SLC37A1: variants seen among roughly 807,000 people sequenced by gnomAD.
The protein encoded by SLC37A1 is glucose-6-phosphate exchanger SLC37A1.
In SLC37A1, 49 loss-of-function variants were observed where a neutral mutation model predicts 75.3. That is an observed-to-expected ratio of 0.65 (90% CI 0.52 to 0.83). The LOEUF is 0.83. Ranked by LOEUF, SLC37A1 falls within the 40% of genes least tolerant of loss-of-function variation. The pLI is 0.00. For missense variants in SLC37A1, 566 were observed against 695.0 expected (o/e 0.81, Z 2.09); for synonymous variants, 268 against 292.1 (o/e 0.92, Z 0.84).
intron 8 of SLC37A1, 108 bp from the exon 9 acceptor site, chr21:42,546,995 A>G: frequency 1.5e-6 from 2 of 1,298,170 alleles, no homozygotes; most frequent in South Asian, 2.4e-5. Flanking sequence ...CATACAGTCC[A>G]GTTTCACACC....
At chr21:42,559,465 G>A (rs1008010005) in intron 11 of SLC37A1, among the ~76,000 whole-genome samples, 2 of 152,240 alleles carry the variant, frequency 1.3e-5, no homozygotes, top group Admixed American at 6.5e-5. Flanking sequence ...CCTGTGGCCC[G>A]GCCCCTCCCC....
intron 3 of SLC37A1, among the ~76,000 whole-genome samples, chr21:42,529,755 T>G (rs1168225459): frequency 6.6e-6 from 1 of 152,192 alleles, no homozygotes; most frequent in African/African-American, 2.4e-5. Context: ...TGTTCGAGTC[T>G]GCCGGTATTC....
At position 42,504,923 on chromosome 21, in the gene SLC37A1, C is replaced by T. The variant is rs190766389; in HGVS notation, c.-179+2506C>T. Among the ~76,000 whole-genome samples the T allele has an allele frequency of 7.2e-4, 110 of 152,294 alleles. No homozygotes were observed. The Middle Eastern group carries it at 0.01, about 14-fold the overall frequency. ...AATGTCAGGGACCAGTTCTTTCCTT[C>T]CCCCTTCCCCAACCAATCTCCAAAT... is the stretch of plus-strand genomic sequence containing the variant. On this transcript the variant is annotated intron_variant, in intron 2 of 20. Coordinates refer to the SLC37A1 transcript ENST00000398341.
At chr21:42,534,876 C>T in intron 4 of SLC37A1, 46 bp downstream of exon 4, 1 of 1,594,152 alleles carries the variant, frequency 6.3e-7, no homozygotes, top group Non-Finnish European at 8.6e-7. Flanking sequence ...GGCTGTCCTT[C>T]CAGCCTTGCT....
chr21:42,514,096 CT>C lies in SLC37A1; in HGVS notation c.-792del, dbSNP rs1052035794. 6.6e-6 allele frequency: 1 copy of C among 150,696 alleles called. No homozygotes were observed. The highest frequency in any genetic ancestry group is 1.5e-5 in the Non-Finnish European group (1 of 67,466). The allele number at this position is 150,696 out of a possible 1,614,324, so 9.3% of individuals were successfully genotyped here. The stretch of plus-strand genomic sequence containing the variant: ...GAGCTCGGCTCCTCTCCTTCCTTTT[CT>C]TTTTTTTCGGGGGGAGGTGGGGGCT... On this transcript the variant is annotated 5_prime_UTR_variant, in exon 1 of 20. Transcript: ENST00000352133. This position sits in a 1 kb window ranked among gnomAD's most constrained non-coding sequence, Gnocchi z 4.8.
chr21:42,566,766 G>A (rs111996621), intron 15 of SLC37A1, among the ~76,000 whole-genome samples: 13,726 of 152,270 alleles, frequency 0.09, 866 homozygotes, highest in Non-Finnish European at 0.13. Context: ...GCCTGTGATC[G>A]CTCCCTCATG....
chr21:42,560,664 G>A (rs1172688185), intron 11 of SLC37A1, among the ~76,000 whole-genome samples: 5 of 152,148 alleles, frequency 3.3e-5, no homozygotes, highest in African/African-American at 7.2e-5. Context: ...AGAGGAGAAC[G>A]TCCCAGCCCA....
At chr21:42,521,846 C>A (rs1010601695) in intron 2 of SLC37A1, among the ~76,000 whole-genome samples, 2 of 152,194 alleles carry the variant, frequency 1.3e-5, no homozygotes, top group East Asian at 3.8e-4. Context: ...ATTATATTAG[C>A]CTCCTGGGGC....
intron 9 of SLC37A1, among the ~76,000 whole-genome samples, chr21:42,550,643 A>G (rs187375988): frequency 6.6e-6 from 1 of 152,250 alleles, no homozygotes; most frequent in African/African-American, 2.4e-5. Flanking sequence ...CTCTTAAGAA[A>G]ACTGTACAAC....
chr21:42,566,193 T>TGGGGCTGGC (rs2055972633), intron 15 of SLC37A1, among the ~76,000 whole-genome samples: 1 of 152,190 alleles, frequency 6.6e-6, no homozygotes, highest in African/African-American at 2.4e-5. Context: ...GGGGCCTTGG[T>TGGGGCTGGC]GGGGCTGGCG....
chr21:42,543,283 G>A (rs1427953208), intron 7 of SLC37A1, among the ~76,000 whole-genome samples, 153 bp from the exon 8 acceptor site: 6 of 152,244 alleles, frequency 3.9e-5, no homozygotes, highest in African/African-American at 1.2e-4. Context: ...CGTGAGCATC[G>A]CGAGTCCTGC....
At chr21:42,511,908 G>A (rs1334781300), upstream of SLC37A1, among the ~76,000 whole-genome samples, 1 of 152,136 alleles carries the variant, frequency 6.6e-6, no homozygotes, top group Non-Finnish European at 1.5e-5. Flanking sequence ...GTTACCAGGG[G>A]CAGTAGGTGG....
chr21:42,513,593 G>C (rs533461240), upstream of SLC37A1, among the ~76,000 whole-genome samples: 5 of 152,030 alleles, frequency 3.3e-5, no homozygotes, highest in South Asian at 8.3e-4. Flanking sequence ...GCGCGCCAGC[G>C]AAAGCCCGTG....
chr21:42,570,157 CGGCGGG>C (rs2056108689), intron 17 of SLC37A1, among the ~76,000 whole-genome samples: 1 of 98,020 alleles, frequency 1.0e-5, no homozygotes, highest in African/African-American at 3.7e-5. Context: ...TTCTGAGAAG[CGGCGGG>C]CAGGGTGGCC....
chr21:42,512,783 A>G (rs966382831), upstream of SLC37A1, among the ~76,000 whole-genome samples: 2 of 152,236 alleles, frequency 1.3e-5, no homozygotes, highest in African/African-American at 2.4e-5. Flanking sequence ...TAACAAAGTG[A>G]TGGATTTCAC....
At chr21:42,541,589 G>A (rs761551295) in intron 6 of SLC37A1, among the ~76,000 whole-genome samples, 2 of 152,184 alleles carry the variant, frequency 1.3e-5, no homozygotes, top group Middle Eastern at 3.2e-3. Context: ...GTCCAGGCGC[G>A]AAGTCAAGTT....
At chr21:42,502,774 C>G (rs1245260880) in intron 2 of SLC37A1, 1 of 152,246 alleles carries the variant, frequency 6.6e-6, no homozygotes, top group African/African-American at 2.4e-5. Flanking sequence ...GCATTCCCTA[C>G]ACAACTGGAA....
intron 10 of SLC37A1, among the ~76,000 whole-genome samples, chr21:42,554,630 A>G (rs2055637391): frequency 6.6e-6 from 1 of 152,232 alleles, no homozygotes; most frequent in African/African-American, 2.4e-5. Flanking sequence ...TGAGGTGCAC[A>G]CAGAAAACTG....
At chr21:42,525,091 G>A (rs1001348305) in intron 2 of SLC37A1, among the ~76,000 whole-genome samples, 3 of 152,222 alleles carry the variant, frequency 2.0e-5, no homozygotes, top group East Asian at 1.9e-4. Context: ...TGCTGAGCAC[G>A]GGGAGGTTCC....
Sources: allele counts gnomAD v4.1 joint callset (sites outside exome capture counted in the v4.1 genomes callset), GRCh38; gene constraint gnomAD v4.1.1; non-coding constraint Gnocchi (gnomAD v3.1); transcripts MANE v1.5; gene names NCBI Gene and HGNC (gene_info 2026-07-23, HGNC 2026-07-21).